The following TCF12 variants were observed in gnomAD, a reference collection of about 807,000 sequenced individuals.
TCF12 encodes the protein transcription factor 12.
TCF12 carries 45 observed loss-of-function variants against 86.0 expected under a neutral mutation model. The ratio of observed to expected loss-of-function variants is 0.52; its 90% confidence interval spans 0.41 to 0.67. The LOEUF (loss-of-function observed/expected upper bound fraction) is 0.67, where lower values mean the gene tolerates loss of function less well. Ranked by LOEUF, TCF12 falls within the 30% of genes least tolerant of loss-of-function variation. The pLI, the probability that TCF12 is intolerant of heterozygous loss-of-function variation, is 0.00. For synonymous variants in TCF12, 330 were observed against 299.6 expected (o/e 1.10, Z -1.05); for missense variants, 881 against 859.9 (o/e 1.02, Z -0.31).
chr15:57,196,876 C>G (rs1028751203), intron 7 of TCF12, among the ~76,000 whole-genome samples: 1 of 152,086 alleles, frequency 6.6e-6, no homozygotes, highest in Non-Finnish European at 1.5e-5. Flanking sequence ...CTGCATTTGT[C>G]AATGCCCATA....
intron 5 of TCF12, among the ~76,000 whole-genome samples, chr15:57,141,360 A>G (rs1224604385): frequency 1.3e-5 from 2 of 152,128 alleles, no homozygotes; most frequent in South Asian, 2.1e-4. Context: ...TGTTTGATTG[A>G]TTGATTGAGA....
At chr15:57,023,987 G>T (rs1163155411) in intron 3 of TCF12, among the ~76,000 whole-genome samples, 1 of 152,100 alleles carries the variant, frequency 6.6e-6, no homozygotes, top group Non-Finnish European at 1.5e-5. Context: ...CCACTGATCT[G>T]ACAGGAGGTG....
At chr15:57,044,993 A>G (rs1378958390) in intron 3 of TCF12, among the ~76,000 whole-genome samples, 1 of 152,202 alleles carries the variant, frequency 6.6e-6, no homozygotes, top group Non-Finnish European at 1.5e-5. Flanking sequence ...TTTTCACTAA[A>G]TGCTTATTGA....
intron 19 of TCF12, chr15:57,281,656 A>G (rs2061697389): frequency 6.6e-6 from 1 of 152,354 alleles, no homozygotes. Context: ...TGTGAACTAC[A>G]TATGCAAGGG....
chr15:57,170,406 A>T (rs1463785022), intron 6 of TCF12, among the ~76,000 whole-genome samples: 1 of 151,222 alleles, frequency 6.6e-6, no homozygotes. Context: ...TCATCTCTAC[A>T]TTGATTTCTT....
chr15:57,246,860 C>G, intron 13 of TCF12: 1 of 393,496 alleles, frequency 2.5e-6, no homozygotes, highest in Non-Finnish European at 4.9e-6. Flanking sequence ...TACAGTTCCT[C>G]TAATGCCTTT....
intron 3 of TCF12, among the ~76,000 whole-genome samples, chr15:56,991,882 G>A (rs1454360284): frequency 6.6e-6 from 1 of 152,036 alleles, no homozygotes; most frequent in African/African-American, 2.4e-5. Flanking sequence ...TATAGAAAAA[G>A]TAAGTTGGTT....
At chr15:57,025,272 G>A (rs2065754365) in intron 3 of TCF12, among the ~76,000 whole-genome samples, 1 of 152,076 alleles carries the variant, frequency 6.6e-6, no homozygotes, top group African/African-American at 2.4e-5. Context: ...TAGAGAGGAG[G>A]TTTCACCATG....
At chr15:56,940,097 C>T (rs1334591704) in intron 3 of TCF12, among the ~76,000 whole-genome samples, 1 of 148,308 alleles carries the variant, frequency 6.7e-6, no homozygotes, top group Non-Finnish European at 1.5e-5. Flanking sequence ...TTTATGAGGA[C>T]TCTAGGAAGC....
At chr15:57,021,374 C>G (rs1352719665) in intron 3 of TCF12, among the ~76,000 whole-genome samples, 3 of 152,134 alleles carry the variant, frequency 2.0e-5, no homozygotes, top group African/African-American at 7.2e-5. Flanking sequence ...ACATTGGCAT[C>G]GGGCGCGGTG....
Position 57,185,473 on chromosome 15 carries a change from T to C in TCF12, c.391-6685T>C, listed in dbSNP as rs147472894. ...CTAACTTCATACCTTAAGAAACAAG[T>C]AAAAGAAGAACAAACTAAATTGAAG... is the stretch of plus-strand genomic sequence containing the variant. On this transcript the variant is annotated intron_variant, in intron 6 of 20. Coordinates refer to ENST00000333725, the MANE Select transcript of TCF12 (RefSeq NM_207037.2). 2.0e-5 allele frequency among the ~76,000 whole-genome samples: 3 copies of C among 151,568 alleles called. No individual in the cohort carries two copies. In the East Asian group the frequency reaches 5.8e-4, roughly 29 times the overall value.
chr15:57,211,453 T>C (rs759847649), intron 8 of TCF12, among the ~76,000 whole-genome samples: 8 of 152,152 alleles, frequency 5.3e-5, no homozygotes, highest in Non-Finnish European at 1.0e-4. Context: ...TAAATGAACA[T>C]ATTACTAGGC....
intron 3 of TCF12, among the ~76,000 whole-genome samples, chr15:57,030,298 G>A (rs116227521): frequency 0.014 from 2,082 of 152,218 alleles, 55 homozygotes; most frequent in African/African-American, 0.044. Flanking sequence ...GAGTGCAGTG[G>A]CATGATGATA....
intron 5 of TCF12, among the ~76,000 whole-genome samples, chr15:57,159,374 A>G (rs866798474): frequency 6.6e-6 from 1 of 152,204 alleles, no homozygotes; most frequent in Non-Finnish European, 1.5e-5. Flanking sequence ...GTATGATTCA[A>G]ATTGTATGAT....
At chr15:57,277,627 CAAA>C (rs572510620) in intron 19 of TCF12, among the ~76,000 whole-genome samples, 8 of 74,888 alleles carry the variant, frequency 1.1e-4, no homozygotes, top group Non-Finnish European at 1.9e-4. Context: ...GACTCCATCT[CAAA>C]AAAAAAAAAA....
chr15:57,183,246 G>GTA (rs1189347383), intron 6 of TCF12, among the ~76,000 whole-genome samples: 1 of 152,130 alleles, frequency 6.6e-6, no homozygotes, highest in African/African-American at 2.4e-5. Context: ...CACCACATTT[G>GTA]TATATACACA....
intron 12 of TCF12, among the ~76,000 whole-genome samples, chr15:57,243,099 C>T (rs2059704788): frequency 6.6e-6 from 1 of 152,120 alleles, no homozygotes; most frequent in Non-Finnish European, 1.5e-5. Context: ...GTATTAATAG[C>T]TTTCTGAGGT....
At chr15:57,042,227 G>T (rs2066943431) in intron 3 of TCF12, among the ~76,000 whole-genome samples, 1 of 151,980 alleles carries the variant, frequency 6.6e-6, no homozygotes, top group Non-Finnish European at 1.5e-5. Context: ...AGGGCATAAA[G>T]TGAATCCTTA....
chr15:56,960,544 C>G (rs1232385337), intron 3 of TCF12, among the ~76,000 whole-genome samples: 1 of 151,636 alleles, frequency 6.6e-6, no homozygotes, highest in Non-Finnish European at 1.5e-5. Context: ...ATTCTCCCAC[C>G]TCAGCCTCCT....
Sources: gnomAD v4.1 joint callset for allele counts (sites outside exome capture counted in the v4.1 genomes callset) on GRCh38, gnomAD v4.1.1 for gene constraint, MANE v1.5 for transcripts, NCBI Gene and HGNC (gene_info 2026-07-23, HGNC 2026-07-21) for gene names.